Variants in PLEKHA7 observed in about 807,000 individuals in gnomAD.
The protein encoded by PLEKHA7 is pleckstrin homology domain-containing family A member 7.
In PLEKHA7, 104 loss-of-function variants were observed where a neutral mutation model predicts 170.0. The ratio of observed to expected loss-of-function variants is 0.61; its 90% CI spans 0.52 to 0.72. The LOEUF is 0.72. PLEKHA7 is among the 30% of genes least tolerant of loss of function. The pLI, the probability that PLEKHA7 is intolerant of heterozygous loss-of-function variation, is 0.00. For missense variants in PLEKHA7, 1,615 were observed against 1,671.7 expected (o/e 0.97, Z 0.59); for synonymous variants, 648 against 660.8 (o/e 0.98, Z 0.30).
chr11:16,997,699 G>A (rs1055135114), intron 3 of PLEKHA7, among the ~76,000 whole-genome samples: 4 of 152,126 alleles, frequency 2.6e-5, no homozygotes, highest in African/African-American at 9.7e-5. Flanking sequence ...CTTCTCTACA[G>A]GTGCATGTGC....
chr11:16,946,313 C>A (rs1355272151), intron 3 of PLEKHA7, among the ~76,000 whole-genome samples: 1 of 152,228 alleles, frequency 6.6e-6, no homozygotes, highest in Non-Finnish European at 1.5e-5. Flanking sequence ...GGATAACCTG[C>A]CCTAAAGAGG....
chr11:16,930,604 C>T (rs752250517), intron 3 of PLEKHA7, among the ~76,000 whole-genome samples: 1 of 152,070 alleles, frequency 6.6e-6, no homozygotes, highest in Non-Finnish European at 1.5e-5. Context: ...CAAAATAAAA[C>T]GCATGATTTC....
chr11:16,908,135 G>A (rs1289676212), intron 3 of PLEKHA7, among the ~76,000 whole-genome samples: 555 of 149,832 alleles, frequency 3.7e-3, no homozygotes, highest in Middle Eastern at 7.1e-3. Context: ...GCAGAGGGCC[G>A]CAGGGTCCTC....
chr11:16,858,873 C>T (rs2135506702), intron 4 of PLEKHA7, among the ~76,000 whole-genome samples: 1 of 152,282 alleles, frequency 6.6e-6, no homozygotes, highest in Non-Finnish European at 1.5e-5. Context: ...ACCCCCCAAA[C>T]CCACATATTC....
intron 3 of PLEKHA7, among the ~76,000 whole-genome samples, chr11:16,959,037 G>A (rs192416043): frequency 1.3e-5 from 2 of 152,298 alleles, no homozygotes; most frequent in Admixed American, 1.3e-4. Flanking sequence ...CCTTTCAGAC[G>A]TTAGCCCAGC....
intron 15 of PLEKHA7, among the ~76,000 whole-genome samples, chr11:16,802,169 T>C (rs1848636590): frequency 6.6e-6 from 1 of 152,170 alleles, no homozygotes; most frequent in Non-Finnish European, 1.5e-5. Context: ...AAAGAGTATA[T>C]TGTCAACCTC....
Position 16,859,313 on chromosome 11 carries a change from G to A in PLEKHA7, c.306-3399C>T, listed in dbSNP as rs148501131. On this transcript the variant is annotated intron_variant, in intron 4 of 26. Coordinates refer to ENST00000531066, the MANE Select transcript of PLEKHA7 (RefSeq NM_001329630.2). ...CTCAACGTAGAACATGATCTCTCAG[G>A]TTTTCTAAGGATGACTATGACTTTT... Among the ~76,000 whole-genome samples the A allele has an allele frequency of 5.5e-4, 84 of 152,282 alleles. 1 individual carries two copies. The highest frequency in any genetic ancestry group is 1.8e-3 in the African/African-American group (74 of 41,550).
intron 5 of PLEKHA7, chr11:16,855,546 C>T: frequency 2.2e-6 from 1 of 452,972 alleles, no homozygotes; most frequent in South Asian, 3.6e-5. Context: ...CGTGGCCCTC[C>T]CAACCATGCG....
chr11:16,918,164 C>T (rs1345912042), intron 3 of PLEKHA7, among the ~76,000 whole-genome samples: 3 of 152,194 alleles, frequency 2.0e-5, no homozygotes, highest in African/African-American at 7.2e-5. Flanking sequence ...ATTCACATGG[C>T]GTCATCACAA....
Position 16,802,943 on chromosome 11 carries a change from T to C in PLEKHA7, c.2157+29A>G, listed in dbSNP as rs75746444. ...ACAGGACAAAATGTCCCTCTGCCCA[T>C]TCCAAGATTATTCAAAACTGACACG... is the stretch of plus-strand genomic sequence containing the variant. On this transcript the variant is annotated intron_variant, in intron 15 of 26. Transcript: ENST00000531066. 3,798 of 1,570,606 alleles carry C rather than the reference T, an allele frequency of 2.4e-3. 80 individuals are homozygous for C. The African/African-American group carries it at 0.046, about 19-fold the overall frequency.
In PLEKHA7 at chr11:16,789,705, G is replaced by T; in HGVS notation, c.3156+70C>A. 2 of 1,388,840 alleles carry T rather than the reference G, an allele frequency of 1.4e-6. No individual in the cohort carries two copies. The highest frequency in any genetic ancestry group is 2.0e-6 in the Non-Finnish European group (2 of 991,610). The allele number at this position is 1,388,840 out of a possible 1,614,324, so 86.0% of individuals were successfully genotyped here. A position where few individuals can be genotyped will look rare whatever the true frequency, so the allele number is the denominator to read the frequency against. ...AGGGCTGAAGGGATGGCCAGTTACT[G>T]TCCCCCTGGGAGACCCTCCCTCCCC... On this transcript the variant is annotated intron_variant, in intron 22 of 26. Transcript: ENST00000531066. This position sits in a 1 kb window ranked among gnomAD's most constrained non-coding sequence, Gnocchi z 4.6.
At chr11:16,796,028 C>A (rs1437706784) in intron 17 of PLEKHA7, among the ~76,000 whole-genome samples, 1 of 151,720 alleles carries the variant, frequency 6.6e-6, no homozygotes, top group Non-Finnish European at 1.5e-5. Flanking sequence ...CTGGCTAATT[C>A]TTGTATTTTC....
chr11:16,925,823 G>A (rs1206968598), intron 3 of PLEKHA7, among the ~76,000 whole-genome samples: 2 of 152,280 alleles, frequency 1.3e-5, no homozygotes, highest in East Asian at 3.8e-4. Flanking sequence ...CGCCCCAGGT[G>A]CTGCCGTTCG....
chr11:16,995,436 C>T (rs1010672411), intron 3 of PLEKHA7, among the ~76,000 whole-genome samples: 1 of 152,122 alleles, frequency 6.6e-6, no homozygotes, highest in African/African-American at 2.4e-5. Context: ...CTCTCGTCCC[C>T]GCCCAATCCC....
intron 3 of PLEKHA7, among the ~76,000 whole-genome samples, chr11:16,897,613 G>T (rs1009629252): frequency 3.9e-5 from 6 of 152,202 alleles, no homozygotes; most frequent in East Asian, 1.9e-4. Context: ...TAGGCAGTGA[G>T]GGGGAGGAGG....
At chr11:16,832,741 T>G (rs182033049) in intron 9 of PLEKHA7, among the ~76,000 whole-genome samples, 121 of 152,282 alleles carry the variant, frequency 7.9e-4, no homozygotes, top group Non-Finnish European at 1.3e-3. Flanking sequence ...GATCCCTCCC[T>G]GCTCACCTTA....
chr11:16,852,939 T>C lies in PLEKHA7; in HGVS notation c.523-584A>G, dbSNP rs191722502. Among the ~76,000 whole-genome samples the C allele has an allele frequency of 3.8e-3, 577 of 152,388 alleles. 1 individual carries two copies. Among genetic ancestry groups the C allele is most frequent in the Admixed American group, 7.3e-3 (111 of 15,302 alleles). On this transcript the variant is annotated intron_variant, in intron 6 of 26. Coordinates refer to ENST00000531066, the MANE Select transcript of PLEKHA7 (RefSeq NM_001329630.2). The stretch of plus-strand genomic sequence containing the variant: ...TTTACTCATCTGAAATGTAAATGTT[T>C]GTATTTATCAATAATGTTTTAAATT...
chr11:16,949,034 C>G (rs1056519548), intron 3 of PLEKHA7, among the ~76,000 whole-genome samples: 6 of 152,146 alleles, frequency 3.9e-5, no homozygotes, highest in African/African-American at 1.4e-4. Flanking sequence ...CAACCCAGAC[C>G]CCTTGTCACT....
intron 8 of PLEKHA7, among the ~76,000 whole-genome samples, chr11:16,843,781 A>T (rs942017403): frequency 1.3e-5 from 2 of 152,072 alleles, no homozygotes; most frequent in East Asian, 1.9e-4. Context: ...TACTAAAAAT[A>T]AAAAAAATAG....
Sources: gnomAD v4.1 joint callset for allele counts (sites outside exome capture counted in the v4.1 genomes callset) on GRCh38, gnomAD v4.1.1 for gene constraint, Gnocchi (gnomAD v3.1) non-coding constraint, MANE v1.5 for transcripts, NCBI Gene and HGNC (gene_info 2026-07-23, HGNC 2026-07-21) for gene names.